Variants in SPIRE2 observed in about 807,000 individuals in gnomAD.
SPIRE2 encodes spire type actin nucleation factor 2.
Under a neutral mutation model 80.7 loss-of-function variants are expected in SPIRE2, and 76 were observed. The ratio of observed to expected loss-of-function variants is 0.94; its 90% confidence interval spans 0.78 to 1.14. The LOEUF is 1.14. SPIRE2 is among the 50% of genes most tolerant of loss of function. The pLI, the probability that SPIRE2 is intolerant of heterozygous loss-of-function variation, is 0.00. For synonymous variants in SPIRE2, 535 were observed against 432.6 expected, an observed-to-expected ratio of 1.24 and a Z score of -2.94; for missense variants, 1,196 against 1,015.3, an observed-to-expected ratio of 1.18 and a Z score of -2.42.
intron 1 of SPIRE2, among the ~76,000 whole-genome samples, chr16:89,829,782 C>T (rs2041361853): frequency 6.6e-6 from 1 of 151,452 alleles, no homozygotes. Flanking sequence ...CAAGAGCAGG[C>T]CCTGAGGTTT....
chr16:89,837,696 G>A (rs915891543), intron 1 of SPIRE2, among the ~76,000 whole-genome samples: 2 of 151,412 alleles, frequency 1.3e-5, no homozygotes, highest in African/African-American at 4.8e-5. Context: ...GTCTCCGCAC[G>A]CACCTCCCGG....
chr16:89,869,055 T>A (rs375134777), intron 13 of SPIRE2, among the ~76,000 whole-genome samples: 956 of 31,422 alleles, frequency 0.03, 38 homozygotes, highest in African/African-American at 0.089. Context: ...AAAAAAAAAA[T>A]ATATATATAT....
At chr16:89,837,725 A>G (rs574102628) in intron 1 of SPIRE2, among the ~76,000 whole-genome samples, 8 of 152,306 alleles carry the variant, frequency 5.3e-5, no homozygotes, top group African/African-American at 1.9e-4. Context: ...CTCCGCAGGC[A>G]TTGATGCCTG....
chr16:89,842,579 C>T (rs1298538532), intron 1 of SPIRE2, among the ~76,000 whole-genome samples: 3 of 152,222 alleles, frequency 2.0e-5, no homozygotes, highest in Non-Finnish European at 4.4e-5. Context: ...GAGGCACAAA[C>T]ATTAAAATTA....
intron 12 of SPIRE2, among the ~76,000 whole-genome samples, chr16:89,867,896 T>C (rs893170653): frequency 1.3e-5 from 2 of 152,180 alleles, no homozygotes; most frequent in Non-Finnish European, 2.9e-5. Flanking sequence ...ACCACCACTA[T>C]GTTTAAACCT....
chr16:89,835,016 G>A (rs1376978264), intron 1 of SPIRE2, among the ~76,000 whole-genome samples: 13 of 144,900 alleles, frequency 9.0e-5, no homozygotes, highest in Admixed American at 2.8e-4. Flanking sequence ...GCCCGCACTC[G>A]CGGTTGGCCG....
chr16:89,829,651 T>TCCAGAGCTCTGCAGA (rs1338592233), intron 1 of SPIRE2, among the ~76,000 whole-genome samples: 1 of 138,772 alleles, frequency 7.2e-6, no homozygotes, highest in Non-Finnish European at 1.7e-5. Flanking sequence ...CCACGAGGGG[T>TCCAGAGCTCTGCAGA]GGGGGCCGTT....
intron 1 of SPIRE2, 140 bp from the exon 2 acceptor site, chr16:89,845,182 G>A: frequency 1.3e-6 from 1 of 766,240 alleles, no homozygotes; most frequent in Non-Finnish European, 2.2e-6. Flanking sequence ...CCAAGTGGCT[G>A]GGCCTGCTGT....
At chr16:89,835,350 C>T (rs16966214) in intron 1 of SPIRE2, among the ~76,000 whole-genome samples, 1,741 of 152,310 alleles carry the variant, frequency 0.011, 33 homozygotes, top group South Asian at 0.094. Flanking sequence ...TGTTGAGATT[C>T]GGTTAATGGT....
At chr16:89,869,053 A>AAAAATATAT in intron 13 of SPIRE2, among the ~76,000 whole-genome samples, 7 of 24,030 alleles carry the variant, frequency 2.9e-4, no homozygotes, top group African/African-American at 8.2e-4. Flanking sequence ...AAAAAAAAAA[A>AAAAATATAT]ATATATATAT....
chr16:89,861,558 A>G (rs2041744918), intron 10 of SPIRE2, among the ~76,000 whole-genome samples: 1 of 152,254 alleles, frequency 6.6e-6, no homozygotes, highest in Non-Finnish European at 1.5e-5. Context: ...ATATCACTGC[A>G]TCAAAAGTTA....
chr16:89,866,599 A>T (rs72813426), intron 12 of SPIRE2, among the ~76,000 whole-genome samples: 103 of 148,840 alleles, frequency 6.9e-4, no homozygotes, highest in East Asian at 2.0e-3. Flanking sequence ...CCAGCCTTGA[A>T]TTTTTTTTTT....
chr16:89,850,974 T>A (rs1177097563), intron 3 of SPIRE2, among the ~76,000 whole-genome samples: 3 of 152,024 alleles, frequency 2.0e-5, no homozygotes, highest in Non-Finnish European at 2.9e-5. Context: ...GTAGCTGGGA[T>A]TACAGGTGCC....
At chr16:89,829,592 G>A (rs2041359691) in intron 1 of SPIRE2, among the ~76,000 whole-genome samples, 2 of 152,210 alleles carry the variant, frequency 1.3e-5, no homozygotes, top group Non-Finnish European at 2.9e-5. Context: ...GGCCTATGTG[G>A]AGGACCAGGA....
At position 89,867,622 on chromosome 16, in the gene SPIRE2, T is replaced by TC. The variant is rs1011670452; in HGVS notation, c.1779-562dup. The stretch of plus-strand genomic sequence containing the variant: ...TTTTTTGAGACAGAGTTTCGCTCAG[T>TC]CCCCCAGGCTGGAGTGCAGTGGCGT... On this transcript the variant is annotated intron_variant, in intron 12 of 14. Coordinates refer to ENST00000378247, the MANE Select transcript of SPIRE2 (RefSeq NM_032451.2). Among the ~76,000 whole-genome samples the TC allele has an allele frequency of 2.7e-5, 4 of 150,728 alleles. No homozygotes were observed. In the Admixed American group the frequency reaches 2.7e-4, roughly 10 times the overall value.
chr16:89,850,571 C>T lies in SPIRE2; in HGVS notation c.556C>T (p.Gln186Ter). Residue 186 changes from glutamine (Q) to a stop codon, truncating the protein, a stop_gained, in exon 3 of 15, where the codon CAG becomes TAG. Transcript: ENST00000378247. LOFTEE classifies it high-confidence loss of function. ...GCGGCTGACCGACCCCCGGGGCGCA[C>T]AGGCGCATTACCAGGCCGTGTGCCG... ...AARLTDPRGA[Q>*]AHYQAVCRAL... 6.6e-7 allele frequency: 1 copy of T among 1,516,508 alleles called. No individual in the cohort carries two copies. Among genetic ancestry groups the T allele is most frequent in the Non-Finnish European group, 8.8e-7 (1 of 1,136,934 alleles). The allele number at this position is 1,516,508 out of a possible 1,614,324, so 93.9% of individuals were successfully genotyped here. A position where few individuals can be genotyped will look rare whatever the true frequency, so the allele number is the denominator to read the frequency against.
intron 1 of SPIRE2, among the ~76,000 whole-genome samples, chr16:89,832,668 G>A (rs756946187): frequency 2.0e-5 from 3 of 152,140 alleles, no homozygotes; most frequent in Non-Finnish European, 4.4e-5. Flanking sequence ...CACCCTGGGA[G>A]GAGAACTCAG....
rs549099824 is a variant in SPIRE2, at chr16:89,863,734, C to T, written c.1711-60C>T. 8.7e-6 allele frequency: 14 copies of T among 1,606,744 alleles called. No individual in the cohort carries two copies. In the East Asian group the frequency reaches 2.7e-4, roughly 31 times the overall value. On this transcript the variant is annotated intron_variant, in intron 11 of 14. Coordinates refer to ENST00000378247, the MANE Select transcript of SPIRE2 (RefSeq NM_032451.2). This position sits in a 1 kb window ranked among gnomAD's most constrained non-coding sequence, Gnocchi z 4.3. ...GGGAGCCCTGAGGGGGTAGCAGGGA[C>T]AGGGCGGGACCCCAGGGAGCTTTGG...
chr16:89,832,126 G>A (rs1172030962), intron 1 of SPIRE2, among the ~76,000 whole-genome samples: 1 of 152,260 alleles, frequency 6.6e-6, no homozygotes, highest in East Asian at 1.9e-4. Context: ...TGAGGCAAGA[G>A]AGGGGCTCTG....
Sources: allele counts gnomAD v4.1 joint callset (sites outside exome capture counted in the v4.1 genomes callset), GRCh38; gene constraint gnomAD v4.1.1; non-coding constraint Gnocchi (gnomAD v3.1); transcripts MANE v1.5; gene names NCBI Gene and HGNC (gene_info 2026-07-23, HGNC 2026-07-21).